TENM3: variants seen among roughly 807,000 people sequenced by gnomAD.
TENM3 encodes teneurin-3.
Under a neutral mutation model 255.1 loss-of-function variants are expected in TENM3, and 63 were observed. That is an observed-to-expected ratio of 0.25 (90% CI 0.20 to 0.30). The LOEUF (loss-of-function observed/expected upper bound fraction) is 0.30. Ranked by LOEUF, TENM3 falls within the 10% of genes least tolerant of loss-of-function variation. The probability of loss-of-function intolerance (pLI) is 1.00; values close to 1 mark genes in which losing one functional copy is unlikely to be tolerated. For missense variants in TENM3, 2,929 were observed against 3,461.1 expected, an observed-to-expected ratio of 0.85 and a Z score of 3.86; for synonymous variants, 1,306 against 1,322.3, an observed-to-expected ratio of 0.99 and a Z score of 0.27.
At chr4:181,985,340 T>C in the TENM3 span, among the ~76,000 whole-genome samples, 1 of 150,534 alleles carries the variant, frequency 6.6e-6, no homozygotes, top group Non-Finnish European at 1.5e-5. Flanking sequence ...AATAGACTAA[T>C]GTAGAAATCT....
At chr4:181,940,915 A>G in the TENM3 span, among the ~76,000 whole-genome samples, 2 of 152,240 alleles carry the variant, frequency 1.3e-5, no homozygotes, top group African/African-American at 4.8e-5. Flanking sequence ...TGTGTTGGCA[A>G]GTGGTTAGAT....
chr4:182,177,620 T>A (rs143597890), intron 1 of TENM3, among the ~76,000 whole-genome samples: 10,682 of 151,146 alleles, frequency 0.071, 685 homozygotes, highest in East Asian at 0.22. Context: ...ATATATTTTT[T>A]TTTTTTTTGC....
At chr4:182,113,677 G>A in the TENM3 span, among the ~76,000 whole-genome samples, 1 of 152,124 alleles carries the variant, frequency 6.6e-6, no homozygotes, top group East Asian at 1.9e-4. Context: ...ACGAGCAAAT[G>A]TGTGTGTGGT....
chr4:181,841,990 A>G, the TENM3 span, among the ~76,000 whole-genome samples: 1 of 152,164 alleles, frequency 6.6e-6, no homozygotes, highest in South Asian at 2.1e-4. Flanking sequence ...ATATCTATAT[A>G]TGTGGATTCT....
chr4:182,652,513 G>T (rs1753403922), intron 5 of TENM3, among the ~76,000 whole-genome samples: 1 of 152,122 alleles, frequency 6.6e-6, no homozygotes, highest in Non-Finnish European at 1.5e-5. Flanking sequence ...AATTAAATAA[G>T]GTGGTTGTAA....
the TENM3 span, among the ~76,000 whole-genome samples, chr4:181,592,445 A>T: frequency 6.6e-6 from 1 of 151,430 alleles, no homozygotes. Context: ...CTGTGCAAGG[A>T]TGCTTGACAG....
the TENM3 span, among the ~76,000 whole-genome samples, chr4:181,871,809 A>T: frequency 6.6e-6 from 1 of 152,082 alleles, no homozygotes; most frequent in Non-Finnish European, 1.5e-5. Context: ...CTTCCTTCAT[A>T]CATTGAAATG....
chr4:182,387,873 G>A (rs886867596), intron 3 of TENM3, among the ~76,000 whole-genome samples: 1 of 150,484 alleles, frequency 6.6e-6, no homozygotes, highest in African/African-American at 2.5e-5. Context: ...CTTGAAGTCA[G>A]TGAGACCAAG....
intron 3 of TENM3, among the ~76,000 whole-genome samples, chr4:182,387,551 A>G (rs1198355778): frequency 1.3e-5 from 2 of 151,922 alleles, no homozygotes; most frequent in South Asian, 4.2e-4. Flanking sequence ...TCCACACTAA[A>G]TTTTGCTACT....
intron 3 of TENM3, among the ~76,000 whole-genome samples, chr4:182,428,912 A>T (rs1461008721): frequency 6.6e-6 from 1 of 152,170 alleles, no homozygotes; most frequent in African/African-American, 2.4e-5. Context: ...TCTCTGTTCC[A>T]GTAAGCATAA....
At chr4:181,786,727 T>C in the TENM3 span, among the ~76,000 whole-genome samples, 2,980 of 152,042 alleles carry the variant, frequency 0.02, 31 homozygotes, top group Middle Eastern at 0.062. Flanking sequence ...GAAAGTAGCT[T>C]TCATGATCAG....
At chr4:181,821,909 C>T in the TENM3 span, among the ~76,000 whole-genome samples, 1 of 152,162 alleles carries the variant, frequency 6.6e-6, no homozygotes, top group Non-Finnish European at 1.5e-5. Context: ...AACAATAGAT[C>T]ACGTTTCTAT....
upstream of TENM3, among the ~76,000 whole-genome samples, chr4:182,140,340 T>C (rs1231317162): frequency 6.6e-6 from 1 of 152,138 alleles, no homozygotes; most frequent in East Asian, 1.9e-4. Context: ...TAAGCTCCTT[T>C]TGGGCATATG....
chr4:182,242,664 G>A (rs1486357479), upstream of TENM3, among the ~76,000 whole-genome samples: 1 of 152,152 alleles, frequency 6.6e-6, no homozygotes, highest in Non-Finnish European at 1.5e-5. Context: ...GGGAGACTGA[G>A]GTGGGAGAAT....
the TENM3 span, among the ~76,000 whole-genome samples, chr4:181,950,973 T>C: frequency 3.9e-5 from 6 of 152,094 alleles, no homozygotes; most frequent in African/African-American, 1.2e-4. Context: ...GCCCAGGAGG[T>C]GGAAGCTGCA....
chr4:182,644,010 C>T (rs756434771), intron 5 of TENM3, among the ~76,000 whole-genome samples: 2 of 152,144 alleles, frequency 1.3e-5, no homozygotes, highest in African/African-American at 4.8e-5. Context: ...TATTAAACAG[C>T]GTTTAGCCAA....
At chr4:182,210,737 T>A (rs1754969896) in intron 1 of TENM3, among the ~76,000 whole-genome samples, 1 of 151,982 alleles carries the variant, frequency 6.6e-6, no homozygotes, top group Non-Finnish European at 1.5e-5. Flanking sequence ...CTAAATCACT[T>A]CTTTTCTGCT....
At chr4:181,907,989 T>G in the TENM3 span, among the ~76,000 whole-genome samples, 8 of 152,236 alleles carry the variant, frequency 5.3e-5, no homozygotes, top group Non-Finnish European at 1.2e-4. Context: ...TACCATCTTA[T>G]TAAGACAACG....
At chr4:181,928,397 T>C in the TENM3 span, among the ~76,000 whole-genome samples, 78 of 151,044 alleles carry the variant, frequency 5.2e-4, no homozygotes, top group East Asian at 0.015. Context: ...CAAGTATCAA[T>C]ACCTGAATCA....
Sources: allele counts gnomAD v4.1 joint callset (sites outside exome capture counted in the v4.1 genomes callset), GRCh38; gene constraint gnomAD v4.1.1; transcripts MANE v1.5; gene names NCBI Gene and HGNC (gene_info 2026-07-23, HGNC 2026-07-21).